The following PDE4B variants were observed in gnomAD, a reference collection of about 807,000 sequenced individuals.
PDE4B encodes the protein phosphodiesterase 4B.
A neutral mutation model predicts 82.2 loss-of-function variants in PDE4B; 20 were observed. The ratio of observed to expected loss-of-function variants is 0.24; its 90% CI spans 0.17 to 0.35. The LOEUF (loss-of-function observed/expected upper bound fraction) is 0.35. Ranked by LOEUF, PDE4B falls within the 10% of genes least tolerant of loss-of-function variation. The pLI is 1.00. For synonymous variants in PDE4B, 320 were observed against 318.9 expected, an observed-to-expected ratio of 1.00 and a Z score of -0.04; for missense variants, 655 against 907.2, an observed-to-expected ratio of 0.72 and a Z score of 3.57.
chr1:66,150,078 A>G (rs1419251482), intron 3 of PDE4B, among the ~76,000 whole-genome samples: 1 of 152,150 alleles, frequency 6.6e-6, no homozygotes, highest in African/African-American at 2.4e-5. Context: ...GTGAGTTTAT[A>G]TCTGGACTCT....
chr1:66,132,762 C>T (rs528774827), intron 3 of PDE4B, among the ~76,000 whole-genome samples: 1 of 152,124 alleles, frequency 6.6e-6, no homozygotes, highest in Admixed American at 6.5e-5. Flanking sequence ...TCACACAGAG[C>T]AACTTTTGAT....
intron 1 of PDE4B, among the ~76,000 whole-genome samples, chr1:65,826,834 A>G (rs1646023494): frequency 6.6e-6 from 1 of 152,142 alleles, no homozygotes; most frequent in Non-Finnish European, 1.5e-5. Context: ...TGCCTGATTA[A>G]GAATGAAGCT....
intron 7 of PDE4B, among the ~76,000 whole-genome samples, chr1:66,271,006 G>A (rs1286430635): frequency 6.6e-6 from 1 of 152,184 alleles, no homozygotes; most frequent in Non-Finnish European, 1.5e-5. Context: ...TGGTTGTTTT[G>A]TAATAATTGC....
chr1:66,160,928 G>A (rs375555299), intron 3 of PDE4B, among the ~76,000 whole-genome samples: 14 of 152,176 alleles, frequency 9.2e-5, no homozygotes, highest in African/African-American at 2.9e-4. Context: ...CTCTAGAGTG[G>A]CACTCTCAGA....
intron 3 of PDE4B, among the ~76,000 whole-genome samples, chr1:66,097,880 T>A (rs1424544061): frequency 4.3e-4 from 65 of 151,852 alleles, no homozygotes; most frequent in African/African-American, 1.5e-3. Flanking sequence ...TTTTTTGTAT[T>A]TTTTAAAGTG....
intron 3 of PDE4B, among the ~76,000 whole-genome samples, chr1:66,130,972 A>C (rs1645929545): frequency 6.6e-6 from 1 of 152,222 alleles, no homozygotes. Context: ...CCATGTAGGC[A>C]ATATGTGGTG....
At chr1:66,189,769 A>G (rs974592520) in intron 3 of PDE4B, among the ~76,000 whole-genome samples, 6 of 151,928 alleles carry the variant, frequency 3.9e-5, no homozygotes, top group Admixed American at 3.9e-4. Flanking sequence ...CTTCATTGCC[A>G]TGAGTTCGAA....
Position 66,367,725 on chromosome 1 carries a change from G to C in PDE4B, c.1414G>C (p.Glu472Gln). ...NSELALMYNDESVLENHHLAV... is the reference protein window; with the variant it reads ...NSELALMYNDQSVLENHHLAV... ...AGAACTTGCTTTGATGTATAATGAT[G>C]AATCTGTGTTGGAAAATCATCACCT... The change falls in exon 14 of 17, where the codon GAA becomes CAA. Residue 472 changes from glutamate (E) to glutamine (Q), a missense_variant. Physicochemically the swap from Glu to Gln is conservative, Grantham distance 29 (BLOSUM62 2). This residue lies in a region of PDE4B where 283 missense variants were observed against 516.4 expected (regional missense o/e 0.55). Transcript: ENST00000341517. 1 of 1,613,320 alleles carries C rather than the reference G, an allele frequency of 6.2e-7. No individual in the cohort carries two copies. Among genetic ancestry groups the C allele is most frequent in the Admixed American group, 1.7e-5 (1 of 59,936 alleles).
chr1:65,880,734 T>C (rs986153809), intron 1 of PDE4B, among the ~76,000 whole-genome samples: 13 of 152,298 alleles, frequency 8.5e-5, no homozygotes, highest in Non-Finnish European at 1.3e-4. Context: ...ATTTGTGTTG[T>C]TAATAAGCTA....
At chr1:65,940,133 A>C (rs1465201164) in intron 3 of PDE4B, among the ~76,000 whole-genome samples, 1 of 152,168 alleles carries the variant, frequency 6.6e-6, no homozygotes, top group East Asian at 1.9e-4. Context: ...CCTCCAAGAG[A>C]GGTGATGTTT....
chr1:65,878,732 G>A (rs191517454), intron 1 of PDE4B, among the ~76,000 whole-genome samples: 1 of 152,094 alleles, frequency 6.6e-6, no homozygotes, highest in African/African-American at 2.4e-5. Context: ...AGCCTGTTGG[G>A]GAGTCGGGGG....
At chr1:66,222,798 G>A (rs1407142009) in intron 3 of PDE4B, among the ~76,000 whole-genome samples, 3 of 152,160 alleles carry the variant, frequency 2.0e-5, no homozygotes, top group African/African-American at 7.2e-5. Context: ...CTCAAGAAAT[G>A]TGAGTTGTTC....
At chr1:65,848,857 A>T (rs1205582322) in intron 1 of PDE4B, among the ~76,000 whole-genome samples, 1 of 152,112 alleles carries the variant, frequency 6.6e-6, no homozygotes, top group Non-Finnish European at 1.5e-5. Context: ...TTTGTGTAAT[A>T]GTCTTATTGT....
intron 7 of PDE4B, among the ~76,000 whole-genome samples, chr1:66,282,682 G>A (rs1220207012): frequency 6.6e-6 from 1 of 152,188 alleles, no homozygotes; most frequent in African/African-American, 2.4e-5. Context: ...CACCAACCAG[G>A]TGTGTAACCA....
intron 3 of PDE4B, among the ~76,000 whole-genome samples, chr1:65,937,102 G>C (rs1283296259): frequency 2.0e-5 from 3 of 152,194 alleles, no homozygotes; most frequent in Admixed American, 6.5e-5. Context: ...TTCCCTCAAA[G>C]AAGATTATAA....
At chr1:66,005,424 G>T (rs936587939) in intron 3 of PDE4B, among the ~76,000 whole-genome samples, 12 of 152,124 alleles carry the variant, frequency 7.9e-5, no homozygotes, top group Non-Finnish European at 1.5e-5. Context: ...TCATTTCAAA[G>T]AATATTTAAG....
At chr1:65,799,316 A>G (rs1010299851) in intron 1 of PDE4B, among the ~76,000 whole-genome samples, 1 of 152,194 alleles carries the variant, frequency 6.6e-6, no homozygotes, top group Non-Finnish European at 1.5e-5. Flanking sequence ...TATTTTCTTT[A>G]AGAAATCAGA....
At position 65,862,286 on chromosome 1, in the gene PDE4B, TC is replaced by T. The variant is rs1382247251; in HGVS notation, c.-70-50957del. ...GGTGTTGAATTTTATTGCAGGCTTT[TC>T]CTGCATCTATTGAGATAATAATATG... On this transcript the variant is annotated intron_variant, in intron 1 of 16. Coordinates refer to ENST00000341517, the MANE Select transcript of PDE4B (RefSeq NM_002600.4). 1.1e-4 allele frequency among the ~76,000 whole-genome samples: 17 copies of T among 152,332 alleles called. 1 individual carries two copies. Among genetic ancestry groups the T allele is most frequent in the Middle Eastern group, 3.4e-3 (1 of 294 alleles).
chr1:66,268,358 G>C (rs999396554), intron 7 of PDE4B, among the ~76,000 whole-genome samples: 1 of 152,042 alleles, frequency 6.6e-6, no homozygotes, highest in Admixed American at 6.5e-5. Context: ...TACATCAAAG[G>C]AAAGCTCTCC....
Sources: allele counts gnomAD v4.1 joint callset (sites outside exome capture counted in the v4.1 genomes callset), GRCh38; gene constraint gnomAD v4.1.1; regional missense constraint gnomAD v4.1.1; transcripts MANE v1.5; gene names NCBI Gene and HGNC (gene_info 2026-07-23, HGNC 2026-07-21).